The following FCSK variants were observed in gnomAD, a reference collection of about 807,000 sequenced individuals.
The protein encoded by FCSK is fucose kinase.
FCSK carries 123 observed loss-of-function variants against 122.5 expected under a neutral mutation model. The observed-to-expected ratio is 1.00, with a 90% CI of 0.87 to 1.17. The LOEUF is 1.17. Ranked by LOEUF, FCSK falls within the 50% of genes most tolerant of loss-of-function variation. FCSK has a pLI of 0.00. For missense variants in FCSK, 1,366 were observed against 1,450.4 expected (o/e 0.94, Z 0.95); for synonymous variants, 620 against 625.5 (o/e 0.99, Z 0.13).
chr16:70,479,915 C>G lies in FCSK; in HGVS notation c.*235C>G, dbSNP rs1478307244. On this transcript the variant is annotated 3_prime_UTR_variant, in exon 24 of 24. Transcript: ENST00000288078. ...CTCCTGGACATAGGAAGGTCCCAAG[C>G]TTAGTATCCCACGTGGCCTTTACAA... 3 of 440,286 alleles carry G rather than the reference C, an allele frequency of 6.8e-6. No individual in the cohort carries two copies. The Admixed American group carries it at 1.1e-4, about 16-fold the overall frequency. 27.3% of individuals were successfully genotyped at this position (440,286 alleles called of 1,614,324 possible). A position where few individuals can be genotyped will look rare whatever the true frequency, so the allele number is the denominator to read the frequency against.
At chr16:70,475,583 G>T in intron 19 of FCSK, 65 bp from the exon 20 acceptor site, 1 of 1,578,870 alleles carries the variant, frequency 6.3e-7, no homozygotes. Context: ...GCCCTTAGAC[G>T]GAGTCAGGCA....
intron 10 of FCSK, among the ~76,000 whole-genome samples, chr16:70,469,577 G>A (rs541104758): frequency 8.6e-5 from 13 of 151,666 alleles, no homozygotes; most frequent in African/African-American, 1.7e-4. Context: ...TTTTTGAGAC[G>A]GACTCTCTCT....
At chr16:70,464,085 T>A (rs2048344474) in intron 3 of FCSK, among the ~76,000 whole-genome samples, 1 of 152,206 alleles carries the variant, frequency 6.6e-6, no homozygotes, top group Non-Finnish European at 1.5e-5. Flanking sequence ...AACTGTTCGC[T>A]GGACCTGAGC....
At chr16:70,456,334 G>C (rs553267899) in intron 1 of FCSK, among the ~76,000 whole-genome samples, 20 of 152,328 alleles carry the variant, frequency 1.3e-4, no homozygotes, top group African/African-American at 4.6e-4. Context: ...CCAATTCTTA[G>C]GACTGTTGGG....
intron 10 of FCSK, 90 bp downstream of exon 10, chr16:70,469,413 C>A: frequency 8.0e-7 from 1 of 1,255,688 alleles, no homozygotes; most frequent in Non-Finnish European, 1.1e-6. Flanking sequence ...CTGGGCCAGG[C>A]AGCCCAGCAC....
Position 70,474,553 on chromosome 16 carries a change from C to T in FCSK, c.2014C>T (p.Arg672Cys), listed in dbSNP as rs35150055. The T allele has an allele frequency of 7.7e-5, 119 of 1,552,966 alleles. No individual in the cohort carries two copies. The highest frequency in any genetic ancestry group is 5.5e-5 in the African/African-American group (4 of 73,336). The part of the protein sequence containing the change: ...SRPALLVRAA[R>C]HYEGAGQILI... ...GCCAGCCTTGCTGGTGCGAGCGGCC[C>T]GCCACTATGAGGGGGCTGGTCAGAT... Residue 672 changes from arginine (R) to cysteine (C), a missense_variant, in exon 17 of 24, where the codon CGC (arginine) becomes TGC (cysteine). Coordinates refer to ENST00000288078, the MANE Select transcript of FCSK (RefSeq NM_145059.3).
At chr16:70,470,529 G>A (rs910675149) in intron 11 of FCSK, 103 bp downstream of exon 11, 18 of 733,370 alleles carry the variant, frequency 2.5e-5, no homozygotes, top group African/African-American at 2.5e-4. Context: ...GATGACCCGA[G>A]TGCAGGTGTT....
intron 20 of FCSK, among the ~76,000 whole-genome samples, chr16:70,476,915 C>T (rs1331982547): frequency 6.6e-6 from 1 of 152,174 alleles, no homozygotes; most frequent in East Asian, 1.9e-4. Context: ...GGGGTCCCTG[C>T]CCTCAAAAGT....
In FCSK at chr16:70,473,066, C is replaced by G; in HGVS notation, c.1490C>G (p.Ser497Trp). ...SARLFPVLHP[S>W]RELGPQDLLW... ...CGCCTCTTTCCTGTGCTCCACCCCT[C>G]GAGGGAGCTGGGACCCCAGGACCTG... Residue 497 changes from serine (S) to tryptophan (W), a missense_variant, in exon 15 of 24, where the codon TCG becomes TGG. Coordinates refer to ENST00000288078, the MANE Select transcript of FCSK (RefSeq NM_145059.3). This position sits in a 1 kb window ranked among gnomAD's most constrained non-coding sequence, Gnocchi z 4.9. 1 of 1,590,308 alleles carries G rather than the reference C, an allele frequency of 6.3e-7. No individual in the cohort carries two copies. Among genetic ancestry groups the G allele is most frequent in the Non-Finnish European group, 8.6e-7 (1 of 1,169,170 alleles).
In FCSK at chr16:70,465,165, A is replaced by G. The variant is rs2048379568; in HGVS notation, c.274A>G (p.Ile92Val). 2 of 1,612,778 alleles carry G rather than the reference A, an allele frequency of 1.2e-6. No individual in the cohort carries two copies. The highest frequency in any genetic ancestry group is 2.7e-5 in the African/African-American group (2 of 75,000). ...TGTCCTGCACTCGGCCTGGATCCTC[A>G]TTCTGCACATGGTAAATGAACTTTG... ...SDVLHSAWIL[I>V]LHMGRDFPFD... is the part of the protein sequence containing the mutation. The change falls in exon 4 of 24, where the codon ATT (isoleucine) becomes GTT (valine). Residue 92 changes from isoleucine (I) to valine (V), a missense_variant. Physicochemically the swap from Ile to Val is conservative, Grantham distance 29. Coordinates refer to ENST00000288078, the MANE Select transcript of FCSK (RefSeq NM_145059.3).
intron 8 of FCSK, among the ~76,000 whole-genome samples, chr16:70,468,542 C>T (rs1211625236): frequency 6.6e-6 from 1 of 152,166 alleles, no homozygotes; most frequent in Non-Finnish European, 1.5e-5. Flanking sequence ...TAGAGCCAGA[C>T]TCCGGGAATG....
Position 70,475,706 on chromosome 16 carries a change from G to A in FCSK, c.2580G>A (p.Arg860=), listed in dbSNP as rs1044926277. The A allele has an allele frequency of 4.4e-6, 7 of 1,602,974 alleles. No homozygotes were observed. Among genetic ancestry groups the A allele is most frequent in the Middle Eastern group, 1.7e-4 (1 of 5,908 alleles). ...ALAALQRAAG[R]VVGTEALIHA... Reference sequence around the variant, plus strand: ...CTGCCTTGCAGCGAGCCGCAGGCCGGGTGGTGGGCACGGAAGCCCTGATCC... The same window carrying A: ...CTGCCTTGCAGCGAGCCGCAGGCCGAGTGGTGGGCACGGAAGCCCTGATCC... Residue 860 remains arginine (R), a synonymous_variant, in exon 20 of 24, where the codon CGG becomes CGA. Transcript: ENST00000288078.
chr16:70,471,115 C>T, intron 12 of FCSK, 43 bp downstream of exon 12: 1 of 1,589,794 alleles, frequency 6.3e-7, no homozygotes. Flanking sequence ...AGGGTGCTGG[C>T]ATCCCGCATG....
intron 13 of FCSK, 23 bp from the exon 14 acceptor site, chr16:70,472,517 TG>T: frequency 6.2e-7 from 1 of 1,604,642 alleles, no homozygotes; most frequent in Non-Finnish European, 8.5e-7. Context: ...CCTGCAGCCC[TG>T]ACTGCTTCTT....
chr16:70,463,095 T>C, intron 1 of FCSK, 74 bp from the exon 2 acceptor site: 1 of 879,534 alleles, frequency 1.1e-6, no homozygotes, highest in South Asian at 1.6e-5. Context: ...AATCATAGAA[T>C]TGTATATAAA....
At chr16:70,469,730 T>C (rs1031204315) in intron 10 of FCSK, among the ~76,000 whole-genome samples, 3 of 152,038 alleles carry the variant, frequency 2.0e-5, no homozygotes, top group African/African-American at 4.8e-5. Flanking sequence ...ATTTTTCTAT[T>C]TTTAGTTGGT....
At chr16:70,463,499 T>C (rs989302479) in intron 2 of FCSK, 124 bp from the exon 3 acceptor site, 6 of 1,267,664 alleles carry the variant, frequency 4.7e-6, no homozygotes, top group Non-Finnish European at 6.7e-6. Flanking sequence ...GAAGATCTAG[T>C]GGCCTCCTAC....
rs540835789 is a variant in FCSK, at chr16:70,461,112, T to C, written c.-22-2057T>C. On this transcript the variant is annotated intron_variant, in intron 1 of 23. Transcript: ENST00000288078. Reference sequence around the variant, plus strand: ...TGAAGGCGTGGGTGTTGCTGAGTGGTGGTGTCCTGTCAGCCTCTTCTCTTC... The same window carrying C: ...TGAAGGCGTGGGTGTTGCTGAGTGGCGGTGTCCTGTCAGCCTCTTCTCTTC... Among the ~76,000 whole-genome samples, 34 of 152,250 alleles carry C rather than the reference T, an allele frequency of 2.2e-4. No individual in the cohort carries two copies. The South Asian group carries it at 6.4e-3, about 29-fold the overall frequency.
At chr16:70,476,068 T>C (rs1456060866) in intron 20 of FCSK, 2 of 203,496 alleles carry the variant, frequency 9.8e-6, no homozygotes, top group African/African-American at 4.6e-5. Flanking sequence ...AGTGGTGCGA[T>C]CTCAGCTCGC....
Sources: allele counts gnomAD v4.1 joint callset (sites outside exome capture counted in the v4.1 genomes callset), GRCh38; gene constraint gnomAD v4.1.1; non-coding constraint Gnocchi (gnomAD v3.1); transcripts MANE v1.5; gene names NCBI Gene and HGNC (gene_info 2026-07-23, HGNC 2026-07-21).